CEP120: variants seen among roughly 807,000 people sequenced by gnomAD.
CEP120 encodes the protein centrosomal protein 120, also known as centrosomal protein of 120 kDa.
In CEP120, 113 loss-of-function variants were observed where a neutral mutation model predicts 126.5. The observed-to-expected ratio is 0.89, with a 90% CI of 0.77 to 1.04. CEP120 has a LOEUF of 1.04. CEP120 is among the 50% of genes least tolerant of loss of function. The pLI is 0.00. For missense variants in CEP120, 1,230 were observed against 1,155.7 expected, an observed-to-expected ratio of 1.06 and a Z score of -0.93; for synonymous variants, 400 against 394.3, an observed-to-expected ratio of 1.01 and a Z score of -0.17.
At chr5:123,351,223 A>G (rs909968610) in intron 18 of CEP120, among the ~76,000 whole-genome samples, 1 of 152,118 alleles carries the variant, frequency 6.6e-6, no homozygotes, top group Non-Finnish European at 1.5e-5. Context: ...TTTCCCAACA[A>G]TAACTACTAC....
chr5:123,397,235 A>T (rs1161532259), intron 5 of CEP120, among the ~76,000 whole-genome samples: 1 of 152,194 alleles, frequency 6.6e-6, no homozygotes, highest in African/African-American at 2.4e-5. Flanking sequence ...GAGGCAGGAG[A>T]ATCACTTGAA....
At chr5:123,396,409 C>A (rs561589156) in intron 5 of CEP120, among the ~76,000 whole-genome samples, 51 of 151,716 alleles carry the variant, frequency 3.4e-4, no homozygotes, top group African/African-American at 1.2e-3. Flanking sequence ...AACAATTTGC[C>A]AGACATCAAC....
chr5:123,368,070 A>G (rs1269158952), intron 17 of CEP120, among the ~76,000 whole-genome samples: 1 of 151,972 alleles, frequency 6.6e-6, no homozygotes, highest in Non-Finnish European at 1.5e-5. Context: ...TAAATTATGT[A>G]CTTTTCTCTC....
rs1374838436 is a variant in CEP120 at position 123,402,017 on chromosome 5, T to C, written c.464-2733A>G. The C allele has an allele frequency of 5.6e-6, 9 of 1,606,902 alleles. No individual in the cohort carries two copies. The South Asian group carries it at 8.8e-5, about 16-fold the overall frequency. On this transcript the variant is annotated intron_variant, in intron 4 of 19. Transcript: ENST00000306467. ...TCTTGTTCTGCTGCTCCAGGAACCGTACCTTGTCTATGAAGGAGGCAAACT... is the reference window on the plus strand; with the variant it reads ...TCTTGTTCTGCTGCTCCAGGAACCGCACCTTGTCTATGAAGGAGGCAAACT...
intron 3 of CEP120, among the ~76,000 whole-genome samples, chr5:123,414,188 A>T (rs1040859668): frequency 8.5e-5 from 13 of 152,190 alleles, no homozygotes; most frequent in Non-Finnish European, 1.6e-4. Flanking sequence ...CTCTGCAACT[A>T]AACTGACTGC....
At chr5:123,376,580 T>A (rs570900281) in intron 16 of CEP120, among the ~76,000 whole-genome samples, 13 of 152,108 alleles carry the variant, frequency 8.5e-5, no homozygotes, top group South Asian at 2.1e-4. Context: ...GGCTACAACA[T>A]GAGGAGCAGA....
intron 4 of CEP120, among the ~76,000 whole-genome samples, chr5:123,400,617 A>G (rs1004209966): frequency 1.3e-5 from 2 of 149,966 alleles, no homozygotes; most frequent in South Asian, 2.1e-4. Context: ...ATATATATAC[A>G]TATATATACA....
intron 18 of CEP120, among the ~76,000 whole-genome samples, chr5:123,354,934 A>C (rs1384527261): frequency 1.7e-3 from 209 of 123,874 alleles, no homozygotes; most frequent in African/African-American, 2.6e-3. Flanking sequence ...ATCCCTCCCC[A>C]CTCCCCCCAC....
At chr5:123,379,563 G>A (rs1410140443) in intron 14 of CEP120, among the ~76,000 whole-genome samples, 1 of 151,902 alleles carries the variant, frequency 6.6e-6, no homozygotes, top group Non-Finnish European at 1.5e-5. Context: ...AGATGCATAG[G>A]ATAAAGTTAA....
At chr5:123,382,930 C>T (rs1349074451) in intron 12 of CEP120, 41 bp from the exon 13 acceptor site, 9 of 1,608,152 alleles carry the variant, frequency 5.6e-6, no homozygotes, top group East Asian at 2.2e-5. Flanking sequence ...CACTCACACA[C>T]ATATGCACAT....
chr5:123,410,828 A>G (rs1487962556), intron 4 of CEP120, among the ~76,000 whole-genome samples: 1 of 152,222 alleles, frequency 6.6e-6, no homozygotes, highest in Non-Finnish European at 1.5e-5. Context: ...GCAACAACTC[A>G]TAAGCCGGAC....
chr5:123,364,801 AAC>A (rs1279636564), intron 17 of CEP120, among the ~76,000 whole-genome samples: 4 of 151,642 alleles, frequency 2.6e-5, no homozygotes, highest in African/African-American at 9.7e-5. Context: ...TTTATTGCCT[AAC>A]AGTCTATCCT....
chr5:123,350,355 T>A (rs1343678884), intron 18 of CEP120, among the ~76,000 whole-genome samples: 3 of 152,178 alleles, frequency 2.0e-5, no homozygotes, highest in Non-Finnish European at 2.9e-5. Context: ...AGTAGGAGTA[T>A]CTGGGCCCAA....
intron 19 of CEP120, among the ~76,000 whole-genome samples, chr5:123,347,381 T>C (rs1768900144): frequency 6.6e-6 from 1 of 152,194 alleles, no homozygotes; most frequent in African/African-American, 2.4e-5. Flanking sequence ...GTTTTGGGGA[T>C]AGTGCAGTGA....
At chr5:123,389,388 T>C (rs1772238522) in intron 8 of CEP120, among the ~76,000 whole-genome samples, 2 of 152,240 alleles carry the variant, frequency 1.3e-5, no homozygotes, top group African/African-American at 4.8e-5. Context: ...GAATAGGATA[T>C]TTCCAGTGTA....
rs1422395671 is a variant in CEP120 at position 123,399,255 on chromosome 5, T to C, written c.493A>G (p.Arg165Gly). The C allele has an allele frequency of 3.7e-6, 6 of 1,614,002 alleles. No homozygotes were observed. The highest frequency in any genetic ancestry group is 5.1e-6 in the Non-Finnish European group (6 of 1,180,000). The stretch of plus-strand genomic sequence containing the variant: ...TCATTCAGCACAGCCACAATGTCCC[T>C]GGGGTCAAGTCCAGCCAGGATGGCA... ...VPAILAGLDP[R>G]DIVAVLNEEG... The change falls in exon 5 of 20, where the codon AGG becomes GGG. Residue 165 changes from arginine to glycine, a missense_variant. Transcript: ENST00000306467.
intron 18 of CEP120, among the ~76,000 whole-genome samples, chr5:123,356,304 C>G (rs1306263769): frequency 6.6e-6 from 1 of 151,932 alleles, no homozygotes; most frequent in African/African-American, 2.4e-5. Context: ...GTAGTTTTTT[C>G]CAATTCTGTG....
Position 123,393,453 on chromosome 5 carries a change from A to G in CEP120, c.657T>C (p.Phe219=). 1 of 1,614,180 alleles carries G rather than the reference A, an allele frequency of 6.2e-7. No homozygotes were observed. Among genetic ancestry groups the G allele is most frequent in the African/African-American group, 1.3e-5 (1 of 75,078 alleles). Reference sequence around the variant, plus strand: ...TTCCCAGTAAAGAGTAGTAAAAGAAAAACTCAGGCTGTCTTTCTGGAAGTT... The same window carrying G: ...TTCCCAGTAAAGAGTAGTAAAAGAAGAACTCAGGCTGTCTTTCTGGAAGTT... ...TMKLPERQPE[F]FFYYSLLGND... The change falls in exon 6 of 20, where the codon TTT becomes TTC. Residue 219 remains phenylalanine (F), a synonymous_variant. Coordinates refer to ENST00000306467, the MANE Select transcript of CEP120 (RefSeq NM_001375405.1).
chr5:123,416,170 C>A, intron 2 of CEP120, 46 bp from the exon 3 acceptor site: 1 of 1,083,220 alleles, frequency 9.2e-7, no homozygotes, highest in Non-Finnish European at 1.4e-6. Context: ...GCTTAATAAA[C>A]TTTCTATTGG....
Sources: allele counts gnomAD v4.1 joint callset (sites outside exome capture counted in the v4.1 genomes callset), GRCh38; gene constraint gnomAD v4.1.1; transcripts MANE v1.5; gene names NCBI Gene and HGNC (gene_info 2026-07-23, HGNC 2026-07-21).